The following SRA1 variants were observed in gnomAD, a reference collection of about 807,000 sequenced individuals.
SRA1 encodes the protein steroid receptor RNA activator 1.
In SRA1, 25 loss-of-function variants were observed where a neutral mutation model predicts 24.3. The ratio of observed to expected loss-of-function variants is 1.03; its 90% CI spans 0.75 to 1.43. The LOEUF (loss-of-function observed/expected upper bound fraction) is 1.43, where lower values mean the gene tolerates loss of function less well. Among genes scored for constraint, SRA1 ranks in the 40% most tolerant of loss-of-function variants. The pLI, the probability that SRA1 is intolerant of heterozygous loss-of-function variation, is 0.00. For missense variants in SRA1, 303 were observed against 286.6 expected, an observed-to-expected ratio of 1.06 and a Z score of -0.41; for synonymous variants, 104 against 109.5, an observed-to-expected ratio of 0.95 and a Z score of 0.31.
intron 2 of SRA1, among the ~76,000 whole-genome samples, chr5:140,554,038 T>G (rs801459): frequency 0.2 from 30,557 of 152,096 alleles, 3,518 homozygotes; most frequent in East Asian, 0.28. Context: ...TCACCTCCAG[T>G]GATCATTTTT....
intron 2 of SRA1, among the ~76,000 whole-genome samples, chr5:140,553,294 A>G (rs1270879354): frequency 6.6e-6 from 1 of 151,556 alleles, no homozygotes; most frequent in Non-Finnish European, 1.5e-5. Flanking sequence ...TGAGCAGCAT[A>G]CTAAGACCCT....
rs1487604680 is a variant in SRA1, at chr5:140,550,621, G to A, written c.*79C>T. The A allele has an allele frequency of 1.4e-6, 2 of 1,405,136 alleles. No homozygotes were observed. The highest frequency in any genetic ancestry group is 2.8e-5 in the African/African-American group (2 of 70,398). 87.0% of individuals were successfully genotyped at this position (1,405,136 alleles called of 1,614,324 possible). On this transcript the variant is annotated 3_prime_UTR_variant, in exon 5 of 5. Coordinates refer to ENST00000336283, the MANE Select transcript of SRA1 (RefSeq NM_001035235.4). ...TCAGGCCCAGTGGGACAGTCTTGGT[G>A]GTGGTAAGAAGGGAGCCAAGTGACA...
chr5:140,552,182 G>T lies in SRA1; in HGVS notation c.154C>A (p.Pro52Thr). The T allele has an allele frequency of 1.3e-6, 2 of 1,555,958 alleles. No individual in the cohort carries two copies. Among genetic ancestry groups the T allele is most frequent in the Middle Eastern group, 1.7e-4 (1 of 5,874 alleles). ...AAPQDGSPRV[P>T]ASETSPGPPP... ...GGCCCAGGAGAAGTCTCTGATGCGG[G>T]GACTGAAAAGGTACAGCAGGATCAA... Residue 52 changes from proline to threonine, a missense_variant and splice_region_variant, in exon 3 of 5, where the codon CCC becomes ACC. By Grantham distance (38) the Pro-to-Thr change is conservative (BLOSUM62 -1). Transcript: ENST00000336283.
intron 3 of SRA1, 189 bp from the exon 4 acceptor site, chr5:140,551,358 G>A (rs1357714235): frequency 3.6e-6 from 2 of 558,924 alleles, no homozygotes; most frequent in Non-Finnish European, 6.4e-6. Flanking sequence ...GTCTTCTTCT[G>A]ACACTGCCTG....
intron 2 of SRA1, among the ~76,000 whole-genome samples, chr5:140,556,926 G>A (rs1278180837): frequency 6.6e-6 from 1 of 152,068 alleles, no homozygotes; most frequent in East Asian, 1.9e-4. Flanking sequence ...AGATCATCTA[G>A]GATGAAAAAA....
At chr5:140,556,088 T>C (rs1754685207) in intron 2 of SRA1, among the ~76,000 whole-genome samples, 1 of 152,256 alleles carries the variant, frequency 6.6e-6, no homozygotes, top group Admixed American at 6.5e-5. Flanking sequence ...GGGTGGATGC[T>C]ACTGACATCT....
intron 2 of SRA1, among the ~76,000 whole-genome samples, chr5:140,555,280 T>C (rs956215767): frequency 1.8e-4 from 26 of 147,620 alleles, no homozygotes; most frequent in African/African-American, 6.5e-4. Flanking sequence ...AGAATATCAC[T>C]CTGTCGCCCA....
In SRA1 at chr5:140,552,002, C is replaced by G; in HGVS notation, c.334G>C (p.Asp112His). The G allele has an allele frequency of 1.2e-6, 2 of 1,613,866 alleles. No homozygotes were observed. Among genetic ancestry groups the G allele is most frequent in the South Asian group, 1.1e-5 (1 of 91,030 alleles). ...CTTACCCTTGTGTGGCCACGGCAGT[C>G]TTCCAATGCCTGTTCCAAAGGTCTC... The part of the protein sequence containing the change: ...VLRPLEQALE[D>H]CRGHTRKQVC... The change falls in exon 3 of 5, where the codon GAC (aspartate) becomes CAC (histidine). Residue 112 changes from aspartate (D) to histidine (H), a missense_variant. Coordinates refer to ENST00000336283, the MANE Select transcript of SRA1 (RefSeq NM_001035235.4).
intron 3 of SRA1, 81 bp downstream of exon 3, chr5:140,551,901 A>G (rs902769211): frequency 3.8e-6 from 5 of 1,313,648 alleles, no homozygotes; most frequent in Admixed American, 3.7e-5. Context: ...CCACTGGGTC[A>G]GAGGGTCTAT....
chr5:140,551,837 A>G (rs1754569183), intron 3 of SRA1, 145 bp downstream of exon 3: 1 of 635,770 alleles, frequency 1.6e-6, no homozygotes. Flanking sequence ...TTCTTTGGGA[A>G]GGCCTTAGCA....
At chr5:140,553,053 A>T (rs541022091) in intron 2 of SRA1, among the ~76,000 whole-genome samples, 1 of 152,378 alleles carries the variant, frequency 6.6e-6, no homozygotes, top group East Asian at 1.9e-4. Context: ...AGGTACATTT[A>T]AGTTTATCTG....
At chr5:140,557,562 A>G, upstream of SRA1, 1 of 1,286,554 alleles carries the variant, frequency 7.8e-7, no homozygotes, top group South Asian at 1.4e-5. Flanking sequence ...TCCGTGGAGG[A>G]TGGATGCTGG....
At chr5:140,552,426 A>G (rs916892229) in intron 2 of SRA1, among the ~76,000 whole-genome samples, 8 of 151,984 alleles carry the variant, frequency 5.3e-5, no homozygotes, top group African/African-American at 1.7e-4. Context: ...GCTGAGGCAG[A>G]CAGATCACCT....
At chr5:140,551,204 G>A (rs1355980809) in intron 3 of SRA1, 35 bp from the exon 4 acceptor site, 1 of 1,560,746 alleles carries the variant, frequency 6.4e-7, no homozygotes, top group Non-Finnish European at 8.8e-7. Flanking sequence ...ATTCAGTGCT[G>A]CCAGCCCAAT....
At chr5:140,551,925 T>A in intron 3 of SRA1, 57 bp downstream of exon 3, 1 of 1,508,942 alleles carries the variant, frequency 6.6e-7, no homozygotes, top group Non-Finnish European at 9.2e-7. Flanking sequence ...TGGGAACCAT[T>A]CCTGCATTTG....
intron 1 of SRA1, 23 bp from the exon 2 acceptor site, chr5:140,557,295 A>C: frequency 4.4e-6 from 7 of 1,608,694 alleles, no homozygotes; most frequent in Non-Finnish European, 5.1e-6. Flanking sequence ...GGGATGTGTG[A>C]AGCGAGCCCG....
In SRA1 at chr5:140,550,462, G is replaced by C. The variant is rs372941991; in HGVS notation, c.*238C>G. ...CAGGGCAGTCGAGGACACCAGAGGG[G>C]ACTAGCTTGGCACCGGAAGGGTTCA... On this transcript the variant is annotated 3_prime_UTR_variant, in exon 5 of 5. Coordinates refer to ENST00000336283, the MANE Select transcript of SRA1 (RefSeq NM_001035235.4). The C allele has an allele frequency of 1.7e-6, 1 of 575,598 alleles. No homozygotes were observed. 35.7% of individuals were successfully genotyped at this position (575,598 alleles called of 1,614,324 possible).
At position 140,552,034 on chromosome 5, in the gene SRA1, TC is replaced by T. The variant is rs781576687; in HGVS notation, c.301del (p.Asp101MetfsTer3). 3.8e-6 allele frequency: 6 copies of T among 1,586,132 alleles called. No individual in the cohort carries two copies. Among genetic ancestry groups the T allele is most frequent in the Non-Finnish European group, 3.4e-6 (4 of 1,165,132 alleles). On this transcript the variant is annotated frameshift_variant, in exon 3 of 5. Transcript: ENST00000336283. LOFTEE classifies it high-confidence loss of function. ...TGCCTGTTCCAAAGGTCTCAGCACA[TC>T]CTCCATCACAGCCTCAGACTCGACT... is the stretch of plus-strand genomic sequence containing the variant. ...FPVESEAVMEDVLRPLEQALE... is the reference protein window; with the variant it reads ...FPVESEAVMEXVLRPLEQALE...
At chr5:140,551,582 T>A (rs1032720037) in intron 3 of SRA1, 6 of 206,236 alleles carry the variant, frequency 2.9e-5, no homozygotes, top group Admixed American at 5.4e-5. Context: ...TTTTAAGACA[T>A]TCTTCAGATC....
Sources: gnomAD v4.1 joint callset for allele counts (sites outside exome capture counted in the v4.1 genomes callset) on GRCh38, gnomAD v4.1.1 for gene constraint, MANE v1.5 for transcripts, NCBI Gene and HGNC (gene_info 2026-07-23, HGNC 2026-07-21) for gene names.